PUDP: variants seen among roughly 807,000 people sequenced by gnomAD.
PUDP encodes pseudouridine 5'-phosphatase.
PUDP carries 8 observed loss-of-function variants against 9.4 expected under a neutral mutation model. The observed-to-expected ratio is 0.85, with a 90% CI of 0.50 to 1.53. The LOEUF is 1.53. Ranked by LOEUF, PUDP falls within the 40% of genes most tolerant of loss-of-function variation. The pLI is 0.00. For missense variants in PUDP, 188 were observed against 189.7 expected (o/e 0.99, Z 0.05); for synonymous variants, 99 against 80.7 (o/e 1.23, Z -1.22).
intron 3 of PUDP, among the ~76,000 whole-genome samples, chrX:6,777,742 C>G (rs1925489138): frequency 8.9e-6 from 1 of 111,900 alleles, no homozygotes; most frequent in African/African-American, 3.2e-5. Context: ...CAGATAGATA[C>G]AGTAGCACAC....
chrX:6,760,213 A>G (rs1012783616), intron 3 of PUDP, among the ~76,000 whole-genome samples: 2 of 111,320 alleles, frequency 1.8e-5, no homozygotes, highest in African/African-American at 6.5e-5. Flanking sequence ...TCTTTTCTCA[A>G]CTGGGAGTGA....
At chrX:6,798,839 G>A (rs1012252564) in intron 3 of PUDP, among the ~76,000 whole-genome samples, 20 of 112,203 alleles carry the variant, frequency 1.8e-4, no homozygotes, top group African/African-American at 6.5e-4. Flanking sequence ...AGGCTGGAAT[G>A]CAGTAGCATG....
In PUDP at chrX:6,937,103, A is replaced by C. The variant is rs544687693; in HGVS notation, c.*247+40030T>G. On this transcript the variant is annotated intron_variant and NMD_transcript_variant, in intron 3 of 3. Coordinates refer to the PUDP transcript ENST00000655425. ...TGCCATCCCCATCAAGCTACCAATG[A>C]CTTTCTTCACAGAATTGGAAAAAAC... 1.4e-3 allele frequency among the ~76,000 whole-genome samples: 141 copies of C among 102,951 alleles called. No homozygotes were observed. In the Middle Eastern group the frequency reaches 0.02, roughly 14 times the overall value. The allele number at this position is 102,951 out of a possible 115,157, so 89.4% of individuals were successfully genotyped here. A position where few individuals can be genotyped will look rare whatever the true frequency, so the allele number is the denominator to read the frequency against.
intron 3 of PUDP, among the ~76,000 whole-genome samples, chrX:6,877,882 T>C (rs1361486420): frequency 8.9e-6 from 1 of 111,790 alleles, no homozygotes; most frequent in Non-Finnish European, 1.9e-5. Flanking sequence ...GCTGAGTCGC[T>C]ACTGTAGAGA....
intron 1 of PUDP, among the ~76,000 whole-genome samples, chrX:7,021,209 G>A (rs1193867617): frequency 8.9e-6 from 1 of 112,159 alleles, no homozygotes; most frequent in Non-Finnish European, 1.9e-5. Context: ...AAAAAGTAAT[G>A]TGTTGTCTTT....
chrX:6,890,745 C>T (rs1423249621), intron 3 of PUDP, among the ~76,000 whole-genome samples: 1 of 108,723 alleles, frequency 9.2e-6, no homozygotes, highest in Admixed American at 1.0e-4. Flanking sequence ...AGTCATAGTG[C>T]TGTTGGCTGT....
At chrX:7,107,796 C>A (rs1931928710) in intron 1 of PUDP, among the ~76,000 whole-genome samples, 1 of 112,693 alleles carries the variant, frequency 8.9e-6, no homozygotes, top group South Asian at 3.6e-4. Flanking sequence ...CCACTGCACT[C>A]CAGCCTGGGC....
chrX:6,868,800 T>C (rs2094411697), intron 3 of PUDP, among the ~76,000 whole-genome samples: 3 of 112,026 alleles, frequency 2.7e-5, no homozygotes, highest in African/African-American at 9.7e-5. Flanking sequence ...TGTGTGTCTT[T>C]AAATTAGGAG....
At chrX:7,139,566 G>A (rs906550779) in intron 1 of PUDP, among the ~76,000 whole-genome samples, 2 of 111,778 alleles carry the variant, frequency 1.8e-5, no homozygotes, top group Non-Finnish European at 3.8e-5. Context: ...GTGGGAGAGG[G>A]TTGGTGCTTA....
intron 3 of PUDP, among the ~76,000 whole-genome samples, chrX:6,971,325 T>C (rs937084136): frequency 9.0e-6 from 1 of 111,723 alleles, no homozygotes; most frequent in African/African-American, 3.3e-5. Context: ...TGCCTCCAGC[T>C]TTGTTCTTTT....
chrX:6,786,423 C>CA (rs1354137905), intron 3 of PUDP, among the ~76,000 whole-genome samples: 2 of 111,184 alleles, frequency 1.8e-5, no homozygotes, highest in East Asian at 2.8e-4. Flanking sequence ...AGCAGTTTCT[C>CA]AAAAAAATAA....
At chrX:7,006,541 T>A (rs764244216) in intron 1 of PUDP, among the ~76,000 whole-genome samples, 1 of 110,101 alleles carries the variant, frequency 9.1e-6, no homozygotes, top group South Asian at 3.8e-4. Flanking sequence ...ATTGGGTTGA[T>A]TTTTTTTTGC....
intron 3 of PUDP, among the ~76,000 whole-genome samples, chrX:6,837,832 A>G (rs1427738452): frequency 1.8e-5 from 2 of 110,097 alleles, no homozygotes; most frequent in African/African-American, 6.6e-5. Flanking sequence ...CTCCCCATCA[A>G]GGGAATCAGC....
At chrX:6,793,586 G>T (rs988791714) in intron 3 of PUDP, among the ~76,000 whole-genome samples, 9 of 111,821 alleles carry the variant, frequency 8.0e-5, no homozygotes, top group African/African-American at 1.3e-4. Context: ...AATCAACCCT[G>T]GTCAAGCAAA....
intron 3 of PUDP, among the ~76,000 whole-genome samples, chrX:6,782,178 G>A (rs1481208126): frequency 9.0e-6 from 1 of 111,372 alleles, no homozygotes; most frequent in Non-Finnish European, 1.9e-5. Flanking sequence ...ATGCCAGGCC[G>A]GGAAATTCCG....
In PUDP at chrX:6,797,267, A is replaced by G. The variant is rs1054055443; in HGVS notation, c.*248-90801T>C. Among the ~76,000 whole-genome samples, 2 of 111,432 alleles carry G rather than the reference A, an allele frequency of 1.8e-5. 1 individual carries two copies. The highest frequency in any genetic ancestry group is 3.8e-5 in the Non-Finnish European group (2 of 53,100). On this transcript the variant is annotated intron_variant and NMD_transcript_variant, in intron 3 of 3. Transcript: ENST00000655425. ...TGTCTCTAGCACAAGAACTGAGAGC[A>G]TCAGCTTTTAATCATTATCATAGCT... is the stretch of plus-strand genomic sequence containing the variant.
intron 3 of PUDP, among the ~76,000 whole-genome samples, chrX:6,932,400 C>G (rs1928205191): frequency 8.9e-6 from 1 of 111,838 alleles, no homozygotes; most frequent in African/African-American, 3.3e-5. Flanking sequence ...TTTCTGGCCC[C>G]TTTTTGAAAG....
chrX:6,973,486 AG>A (rs765434883), intron 3 of PUDP, among the ~76,000 whole-genome samples: 6 of 112,031 alleles, frequency 5.4e-5, no homozygotes, highest in South Asian at 3.7e-4. Flanking sequence ...ATTTACAAGC[AG>A]GTTGTTTAGT....
chrX:7,136,192 C>T (rs888364481), intron 1 of PUDP, among the ~76,000 whole-genome samples: 7 of 111,934 alleles, frequency 6.3e-5, no homozygotes, highest in Non-Finnish European at 1.1e-4. Context: ...CACCCCCTCC[C>T]GTGTTCCTCT....
Sources: gnomAD v4.1 joint callset for allele counts (sites outside exome capture counted in the v4.1 genomes callset) on GRCh38, gnomAD v4.1.1 for gene constraint, MANE v1.5 for transcripts, NCBI Gene and HGNC (gene_info 2026-07-23, HGNC 2026-07-21) for gene names.